The following SLK variants were observed in gnomAD, a reference collection of about 807,000 sequenced individuals.
SLK encodes the protein STE20-like serine/threonine-protein kinase.
In SLK, 67 loss-of-function variants were observed where a neutral mutation model predicts 147.7. The ratio of observed to expected loss-of-function variants is 0.45; its 90% CI spans 0.37 to 0.56. The LOEUF is 0.56. SLK is among the 20% of genes least tolerant of loss of function. The pLI is 0.00. For missense variants in SLK, 1,136 were observed against 1,438.8 expected, an observed-to-expected ratio of 0.79 and a Z score of 3.41; for synonymous variants, 441 against 475.0, an observed-to-expected ratio of 0.93 and a Z score of 0.93.
Position 104,009,406 on chromosome 10 carries a change from A to G in SLK, c.2784+1050A>G, listed in dbSNP as rs1184506589. 2.0e-5 allele frequency among the ~76,000 whole-genome samples: 3 copies of G among 152,160 alleles called. No homozygotes were observed. In the East Asian group the frequency reaches 5.8e-4, roughly 29 times the overall value. ...CTGAATCTTAAGGATTTGCTTTAAAAAGGGTAGAGTCAAACATTAATAAAT... is the reference window on the plus strand; with the variant it reads ...CTGAATCTTAAGGATTTGCTTTAAAGAGGGTAGAGTCAAACATTAATAAAT... On this transcript the variant is annotated intron_variant, in intron 12 of 18. Transcript: ENST00000369755.
In SLK at chr10:104,027,524, A is replaced by G. The variant is rs1844614113; in HGVS notation, c.*1804A>G. 1 of 152,578 alleles carries G rather than the reference A, an allele frequency of 6.6e-6. No individual in the cohort carries two copies. Among genetic ancestry groups the G allele is most frequent in the African/African-American group, 2.4e-5 (1 of 41,430 alleles). 9.5% of individuals were successfully genotyped at this position (152,578 alleles called of 1,614,324 possible). A position where few individuals can be genotyped will look rare whatever the true frequency, so the allele number is the denominator to read the frequency against. On this transcript the variant is annotated 3_prime_UTR_variant, in exon 19 of 19. Transcript: ENST00000369755. The stretch of plus-strand genomic sequence containing the variant: ...TTAAAATATATATCTTTATAAAGTA[A>G]TATTCAGGATGATGATAAAAATTGT...
Position 103,983,222 on chromosome 10 carries a change from A to G in SLK, c.151-7453A>G, listed in dbSNP as rs1395156470. Among the ~76,000 whole-genome samples, 6 of 152,204 alleles carry G rather than the reference A, an allele frequency of 3.9e-5. No homozygotes were observed. The South Asian group carries it at 1.0e-3, about 26-fold the overall frequency. ...TTTTTTAATATTGATACTTGTTCCT[A>G]CCAAAATCTTAGCAGGACTGAAAAG... On this transcript the variant is annotated intron_variant, in intron 1 of 18. Transcript: ENST00000369755.
At chr10:104,014,726 A>G (rs1207882150) in intron 13 of SLK, among the ~76,000 whole-genome samples, 1 of 152,132 alleles carries the variant, frequency 6.6e-6, no homozygotes, top group Non-Finnish European at 1.5e-5. Context: ...TATATTTTTA[A>G]TGTTTATAGT....
intron 12 of SLK, among the ~76,000 whole-genome samples, chr10:104,010,310 ACTTG>A (rs898403817): frequency 6.6e-6 from 1 of 152,142 alleles, no homozygotes; most frequent in African/African-American, 2.4e-5. Flanking sequence ...GTATTCTAAG[ACTTG>A]CTTTCCTTTT....
intron 2 of SLK, among the ~76,000 whole-genome samples, chr10:103,992,145 T>G (rs1315276353): frequency 1.4e-5 from 2 of 144,244 alleles, no homozygotes; most frequent in African/African-American, 5.1e-5. Context: ...TCTTCTGTTT[T>G]TTTTTTTTTT....
intron 12 of SLK, among the ~76,000 whole-genome samples, 172 bp from the exon 13 acceptor site, chr10:104,010,644 A>T (rs758901539): frequency 6.6e-6 from 1 of 152,214 alleles, no homozygotes; most frequent in Non-Finnish European, 1.5e-5. Flanking sequence ...CACTGAGATT[A>T]TGCATGTTCT....
intron 12 of SLK, among the ~76,000 whole-genome samples, chr10:104,009,570 G>C (rs1844372846): frequency 6.6e-6 from 1 of 151,950 alleles, no homozygotes; most frequent in Non-Finnish European, 1.5e-5. Context: ...ATACTGTGAG[G>C]TATGACATTA....
At chr10:103,995,172 A>C (rs1335175534) in intron 4 of SLK, among the ~76,000 whole-genome samples, 1 of 152,120 alleles carries the variant, frequency 6.6e-6, no homozygotes, top group East Asian at 1.9e-4. Flanking sequence ...GTGTTTTAAA[A>C]AATATTGTTA....
At chr10:103,981,195 G>T (rs867546411) in intron 1 of SLK, among the ~76,000 whole-genome samples, 12 of 151,254 alleles carry the variant, frequency 7.9e-5, no homozygotes, top group South Asian at 6.2e-4. Context: ...TTTTTTTGTT[G>T]TTGTTGTTGT....
Position 103,990,841 on chromosome 10 carries a change from TA to T in SLK, c.315+4del. 1 of 1,489,760 alleles carries T rather than the reference TA, an allele frequency of 6.7e-7. No homozygotes were observed. The highest frequency in any genetic ancestry group is 1.5e-5 in the South Asian group (1 of 68,092). 92.3% of individuals were successfully genotyped at this position (1,489,760 alleles called of 1,614,324 possible). A position where few individuals can be genotyped will look rare whatever the true frequency, so the allele number is the denominator to read the frequency against. ...TTCTATTATGAGAACAATCTTTGGG[TA>T]AGTATTTTCTGTTGATCTAAAGGAG... is the stretch of plus-strand genomic sequence containing the variant. On this transcript the variant is annotated splice_donor_region_variant and intron_variant, in intron 2 of 18. Coordinates refer to ENST00000369755, the MANE Select transcript of SLK (RefSeq NM_014720.4).
intron 1 of SLK, among the ~76,000 whole-genome samples, chr10:103,984,644 G>A (rs1207684133): frequency 6.6e-6 from 1 of 152,100 alleles, no homozygotes; most frequent in Non-Finnish European, 1.5e-5. Context: ...GAACTCTTGG[G>A]CCCAAGTGAT....
rs1418994698 is a variant in SLK at position 104,005,844 on chromosome 10, A to T, written c.2481-68A>T. On this transcript the variant is annotated intron_variant, in intron 10 of 18. Transcript: ENST00000369755. ...CTCGAAAGAAAATTTTTAAAGCTTT[A>T]AAAAAAAACGTATTTCAGAAGTGTA... The T allele has an allele frequency of 1.3e-5, 19 of 1,511,990 alleles. No individual in the cohort carries two copies. The East Asian group carries it at 1.8e-4, about 15-fold the overall frequency. The allele number at this position is 1,511,990 out of a possible 1,614,324, so 93.7% of individuals were successfully genotyped here. A position where few individuals can be genotyped will look rare whatever the true frequency, so the allele number is the denominator to read the frequency against.
intron 9 of SLK, 99 bp from the exon 10 acceptor site, chr10:104,005,457 GTTGTT>G (rs1037178038): frequency 8.8e-6 from 9 of 1,022,892 alleles, no homozygotes; most frequent in Non-Finnish European, 1.3e-5. Flanking sequence ...TGGCTGTTCA[GTTGTT>G]TTGTTTTAAA....
At chr10:104,007,434 C>T (rs1024208927) in intron 11 of SLK, among the ~76,000 whole-genome samples, 4 of 151,850 alleles carry the variant, frequency 2.6e-5, no homozygotes, top group Admixed American at 1.3e-4. Context: ...GGTAAAACCC[C>T]GTCTCTACTA....
chr10:103,978,291 G>A (rs1370193469), intron 1 of SLK, among the ~76,000 whole-genome samples: 1 of 151,946 alleles, frequency 6.6e-6, no homozygotes, highest in Non-Finnish European at 1.5e-5. Context: ...TTATTCCCAT[G>A]TTTCTTATTT....
chr10:103,984,151 G>A (rs1432189621), intron 1 of SLK, among the ~76,000 whole-genome samples: 1 of 152,056 alleles, frequency 6.6e-6, no homozygotes, highest in East Asian at 1.9e-4. Flanking sequence ...TTACTAAATG[G>A]AAAGTGCAGA....
intron 13 of SLK, among the ~76,000 whole-genome samples, chr10:104,014,352 A>T (rs1231629130): frequency 6.6e-6 from 1 of 152,200 alleles, no homozygotes; most frequent in Non-Finnish European, 1.5e-5. Context: ...GGAAATTCCA[A>T]GCTGTATTCT....
chr10:103,996,618 T>TTGATCTCCTGACCTCG (rs1261786158), intron 4 of SLK, among the ~76,000 whole-genome samples: 3 of 152,106 alleles, frequency 2.0e-5, no homozygotes, highest in Non-Finnish European at 4.4e-5. Context: ...CAAGATGGTC[T>TTGATCTCCTGACCTCG]TGATCTCCTG....
chr10:103,975,968 C>T (rs12768996), intron 1 of SLK, among the ~76,000 whole-genome samples: 130,486 of 152,084 alleles, frequency 0.86, 56,196 homozygotes, highest in African/African-American at 0.93. Context: ...TCATCCAGGC[C>T]GGAGTGCAGT....
Sources: allele counts gnomAD v4.1 joint callset (sites outside exome capture counted in the v4.1 genomes callset), GRCh38; gene constraint gnomAD v4.1.1; transcripts MANE v1.5; gene names NCBI Gene and HGNC (gene_info 2026-07-23, HGNC 2026-07-21).